WHRN: variants seen among roughly 807,000 people sequenced by gnomAD.
WHRN encodes whirlin, also known as CASK-interacting protein CIP98.
In WHRN, 41 loss-of-function variants were observed where a neutral mutation model predicts 68.3. The observed-to-expected ratio is 0.60, with a 90% CI of 0.47 to 0.78. The LOEUF (loss-of-function observed/expected upper bound fraction) is 0.78. WHRN is among the 30% of genes least tolerant of loss of function. The pLI is 0.00. For missense variants in WHRN, 1,243 were observed against 1,244.7 expected (o/e 1.00, Z 0.02); for synonymous variants, 560 against 561.3 (o/e 1.00, Z 0.03).
chr9:114,481,862 G>A (rs1204912827), intron 1 of WHRN, among the ~76,000 whole-genome samples: 2 of 152,226 alleles, frequency 1.3e-5, no homozygotes, highest in African/African-American at 4.8e-5. Context: ...TGACACTTAT[G>A]CCTGGTGAGG....
At chr9:114,411,777 G>A (rs780412356) in intron 7 of WHRN, among the ~76,000 whole-genome samples, 32 of 152,202 alleles carry the variant, frequency 2.1e-4, no homozygotes, top group Non-Finnish European at 2.9e-4. Flanking sequence ...TACACCTGAA[G>A]TTCAGAGAGG....
intron 2 of WHRN, among the ~76,000 whole-genome samples, chr9:114,478,106 G>GA (rs540358001): frequency 4.0e-4 from 58 of 144,966 alleles, no homozygotes; most frequent in African/African-American, 3.8e-4. Flanking sequence ...ACATGACGGA[G>GA]AAAAAAAAAA....
intron 2 of WHRN, among the ~76,000 whole-genome samples, chr9:114,467,798 C>G (rs1589207117): frequency 6.6e-6 from 1 of 152,076 alleles, no homozygotes; most frequent in South Asian, 2.1e-4. Context: ...TGAAACCTAG[C>G]CCAAAGAGAC....
At chr9:114,407,887 A>C in intron 8 of WHRN, 60 bp downstream of exon 8, 1 of 1,423,310 alleles carries the variant, frequency 7.0e-7, no homozygotes. Flanking sequence ...GAGAGGAGAG[A>C]GCCACCAGGA....
In WHRN at chr9:114,446,789, T is replaced by C. The variant is rs559286562; in HGVS notation, c.963+19478A>G. ...GCCTTAACTCATAGCTCCTTGACTT[T>C]GGAAGTAATACCCTCACTCACTCCT... On this transcript the variant is annotated intron_variant, in intron 3 of 11. Transcript: ENST00000362057. Among the ~76,000 whole-genome samples the C allele has an allele frequency of 4.6e-5, 7 of 152,262 alleles. No homozygotes were observed. In the South Asian group the frequency reaches 1.4e-3, roughly 32 times the overall value.
intron 3 of WHRN, among the ~76,000 whole-genome samples, chr9:114,434,141 A>AC (rs11453112): frequency 0.98 from 149,453 of 152,284 alleles, 73,381 homozygotes; most frequent in East Asian, 1. Flanking sequence ...ACAATTACCA[A>AC]CCCCAAGTGC....
rs368458018 is a variant in WHRN, at chr9:114,470,832, G to A, written c.838-4440C>T. Reference sequence around the variant, plus strand: ...TCAGTCCCCCGCCCCACCCCACCCCGGGGCCCTTCCAGCTCCAGGACATGA... The same window carrying A: ...TCAGTCCCCCGCCCCACCCCACCCCAGGGCCCTTCCAGCTCCAGGACATGA... On this transcript the variant is annotated intron_variant, in intron 2 of 11. Coordinates refer to ENST00000362057, the MANE Select transcript of WHRN (RefSeq NM_015404.4). Among the ~76,000 whole-genome samples the A allele has an allele frequency of 4.8e-5, 6 of 126,044 alleles. No homozygotes were observed. The South Asian group carries it at 8.3e-4, about 17-fold the overall frequency. The allele number at this position is 126,044 out of a possible 152,430, so 82.7% of individuals were successfully genotyped here.
At chr9:114,405,355 C>A (rs1834954752) in intron 9 of WHRN, among the ~76,000 whole-genome samples, 1 of 152,144 alleles carries the variant, frequency 6.6e-6, no homozygotes, top group Non-Finnish European at 1.5e-5. Flanking sequence ...GGATTACAGG[C>A]ATGAGCCACT....
chr9:114,451,429 G>C (rs1211476288), intron 3 of WHRN, among the ~76,000 whole-genome samples: 1 of 152,180 alleles, frequency 6.6e-6, no homozygotes, highest in Non-Finnish European at 1.5e-5. Flanking sequence ...AGAGGACGGA[G>C]CAAGATGATT....
chr9:114,478,920 G>C, intron 1 of WHRN, 149 bp from the exon 2 acceptor site: 1 of 761,702 alleles, frequency 1.3e-6, no homozygotes, highest in East Asian at 2.7e-5. Context: ...TCTAGCCCTC[G>C]ATTTTGTCCT....
rs2132192318 is a variant in WHRN at position 114,404,147 on chromosome 9, TGACGGAGATG to T, written c.2237-80_2237-71del. On this transcript the variant is annotated intron_variant, in intron 9 of 11. Coordinates refer to ENST00000362057, the MANE Select transcript of WHRN (RefSeq NM_015404.4). ...GTCAGGGAGGGCTGCCTGGAGGCAG[TGACGGAGATG>T]GAGGCTGGAAGGCTGGGGGAATTCC... is the stretch of plus-strand genomic sequence containing the variant. 4.7e-6 allele frequency: 7 copies of T among 1,491,820 alleles called. No individual in the cohort carries two copies. The East Asian group carries it at 1.4e-4, about 30-fold the overall frequency. 92.4% of individuals were successfully genotyped at this position (1,491,820 alleles called of 1,614,324 possible).
chr9:114,465,083 A>C (rs896819514), intron 3 of WHRN, among the ~76,000 whole-genome samples: 2 of 152,184 alleles, frequency 1.3e-5, no homozygotes, highest in Non-Finnish European at 2.9e-5. Context: ...ACAGCTATGA[A>C]AGCAAAAGCA....
At chr9:114,429,319 A>G (rs991433952) in intron 3 of WHRN, among the ~76,000 whole-genome samples, 1 of 152,234 alleles carries the variant, frequency 6.6e-6, no homozygotes, top group Non-Finnish European at 1.5e-5. Flanking sequence ...TCTAGGAGGA[A>G]GCAAAGCACT....
chr9:114,404,068 G>A lies in WHRN; in HGVS notation c.2246C>T (p.Thr749Met), dbSNP rs767100303. The change falls in exon 10 of 12, where the codon ACG becomes ATG. Residue 749 changes from threonine to methionine, a missense_variant. Transcript: ENST00000362057. ...CCCGCTGTCCGAGAGCTGGGAGAGC[G>A]TAGAGGCTGCTGGAGAGGGGAAAAG... is the stretch of plus-strand genomic sequence containing the variant. ...RALPQTRTAS[T>M]LSQLSDSGQT... 3.5e-5 allele frequency: 56 copies of A among 1,612,852 alleles called. No individual in the cohort carries two copies. The highest frequency in any genetic ancestry group is 1.5e-4 in the African/African-American group (11 of 74,950).
Position 114,447,782 on chromosome 9 carries a change from GTCTC to G in WHRN, c.963+18481_963+18484del, listed in dbSNP as rs879546513. On this transcript the variant is annotated intron_variant, in intron 3 of 11. Coordinates refer to ENST00000362057, the MANE Select transcript of WHRN (RefSeq NM_015404.4). ...ACTTTCTCTCTCTCTCTTTCTCTCT[GTCTC>G]TCTCTCTCCCCCAGCCTTCAGAACT... is the stretch of plus-strand genomic sequence containing the variant. Among the ~76,000 whole-genome samples, 1,301 of 151,508 alleles carry G rather than the reference GTCTC, an allele frequency of 8.6e-3. 22 individuals are homozygous for G. The highest frequency in any genetic ancestry group is 0.03 in the African/African-American group (1,240 of 41,190).
At chr9:114,434,951 C>T (rs1311373878) in intron 3 of WHRN, among the ~76,000 whole-genome samples, 4 of 152,178 alleles carry the variant, frequency 2.6e-5, no homozygotes, top group Non-Finnish European at 4.4e-5. Flanking sequence ...TCAGTTCACT[C>T]AACAGATGGA....
intron 3 of WHRN, among the ~76,000 whole-genome samples, chr9:114,438,673 T>G (rs529834122): frequency 2.4e-4 from 36 of 152,108 alleles, no homozygotes; most frequent in African/African-American, 3.6e-4. Context: ...GGATGGTCGC[T>G]ATCTCCTGAC....
In WHRN at chr9:114,402,698, G is replaced by C; in HGVS notation, c.*56C>G. 1.2e-6 allele frequency: 2 copies of C among 1,608,396 alleles called. No homozygotes were observed. The highest frequency in any genetic ancestry group is 1.7e-6 in the Non-Finnish European group (2 of 1,176,720). On this transcript the variant is annotated 3_prime_UTR_variant, in exon 12 of 12. Coordinates refer to ENST00000362057, the MANE Select transcript of WHRN (RefSeq NM_015404.4). ...AAGGAGCTTGATGAAGCCAACGGTG[G>C]AAAGGGACTGGGACCAGGGGCTGGG...
chr9:114,502,449 C>T (rs1176408709), intron 1 of WHRN, among the ~76,000 whole-genome samples: 6 of 151,572 alleles, frequency 4.0e-5, no homozygotes, highest in Non-Finnish European at 7.4e-5. Context: ...TGGTGCTGCT[C>T]TGAGTCACAG....
Sources: gnomAD v4.1 joint callset for allele counts (sites outside exome capture counted in the v4.1 genomes callset) on GRCh38, gnomAD v4.1.1 for gene constraint, MANE v1.5 for transcripts, NCBI Gene and HGNC (gene_info 2026-07-23, HGNC 2026-07-21) for gene names.